TRPA1: variants seen among roughly 807,000 people sequenced by gnomAD.
TRPA1 encodes the protein transient receptor potential cation channel subfamily A member 1.
In TRPA1, 129 loss-of-function variants were observed where a neutral mutation model predicts 131.3. The ratio of observed to expected loss-of-function variants is 0.98; its 90% CI spans 0.85 to 1.14. TRPA1 has a LOEUF of 1.14. Ranked by LOEUF, TRPA1 falls within the 50% of genes most tolerant of loss-of-function variation. The probability of loss-of-function intolerance (pLI) is 0.00; values close to 1 mark genes in which losing one functional copy is unlikely to be tolerated. For synonymous variants in TRPA1, 441 were observed against 451.7 expected (o/e 0.98, Z 0.30); for missense variants, 1,304 against 1,354.2 (o/e 0.96, Z 0.58).
chr8:72,086,043 A>G, the TRPA1 span, among the ~76,000 whole-genome samples: 134,664 of 152,150 alleles, frequency 0.89, 59,771 homozygotes, highest in African/African-American at 0.94. Context: ...TGGGATTACA[A>G]GCATCTGCCA....
intron 17 of TRPA1, among the ~76,000 whole-genome samples, chr8:72,042,422 G>A (rs899913850): frequency 6.6e-6 from 1 of 151,878 alleles, no homozygotes; most frequent in Non-Finnish European, 1.5e-5. Context: ...AACAAGTATT[G>A]GTGAGCATGC....
the TRPA1 span, among the ~76,000 whole-genome samples, chr8:72,089,147 T>A: frequency 0.2 from 30,710 of 152,078 alleles, 3,787 homozygotes; most frequent in Non-Finnish European, 0.26. Flanking sequence ...GAACTTAATC[T>A]TTCTGTTGTG....
At position 72,052,670 on chromosome 8, in the gene TRPA1, C is replaced by CTG; in HGVS notation, c.1738_1739dup (p.Gln580HisfsTer48). On this transcript the variant is annotated frameshift_variant, in exon 14 of 27. Transcript: ENST00000262209. LOFTEE classifies it high-confidence loss of function. ...GAAGTGCAAGGTGCAAAAAGGAGGC[C>CTG]TGCTGCTTGTTCAGGACTATGTCAG... 6.2e-7 allele frequency: 1 copy of CTG among 1,613,816 alleles called. No individual in the cohort carries two copies. Among genetic ancestry groups the CTG allele is most frequent in the Non-Finnish European group, 8.5e-7 (1 of 1,179,858 alleles).
intron 24 of TRPA1, among the ~76,000 whole-genome samples, chr8:72,026,405 T>C (rs2129432601): frequency 6.6e-6 from 1 of 152,316 alleles, no homozygotes; most frequent in Middle Eastern, 3.4e-3. Context: ...ATGCTGGAGA[T>C]TTAAAGAAGA....
intron 19 of TRPA1, among the ~76,000 whole-genome samples, chr8:72,038,529 C>T (rs2129433895): frequency 6.6e-6 from 1 of 152,136 alleles, no homozygotes; most frequent in Non-Finnish European, 1.5e-5. Context: ...ATCCATAAAG[C>T]ATCTCTCCCC....
intron 15 of TRPA1, among the ~76,000 whole-genome samples, chr8:72,049,703 C>A (rs1805446367): frequency 6.6e-6 from 1 of 152,152 alleles, no homozygotes; most frequent in Non-Finnish European, 1.5e-5. Flanking sequence ...TAAGAACCCA[C>A]AGAAGCCAGG....
rs751356225 is a variant in TRPA1 at position 72,023,086 on chromosome 8, T to A, written c.3180A>T (p.Lys1060Asn). ...TGATCAGTTTAATGAGCTCATGCTG[T>A]TTTTCCAGGAGAAAAGTAAGATCCT... is the stretch of plus-strand genomic sequence containing the variant. ...RLKDLTFLLE[K>N]QHELIKLIIQ... The change falls in exon 27 of 27, where the codon AAA (lysine) becomes AAT (asparagine). Residue 1060 changes from lysine (K) to asparagine (N), a missense_variant. Lys to Asn is a moderately conservative substitution (Grantham distance 94). Transcript: ENST00000262209. The A allele has an allele frequency of 1.9e-6, 3 of 1,613,360 alleles. No homozygotes were observed. In the Admixed American group the frequency reaches 5.0e-5, roughly 27 times the overall value.
At chr8:72,071,625 C>A in intron 2 of TRPA1, 86 bp downstream of exon 2, 1 of 1,477,882 alleles carries the variant, frequency 6.8e-7, no homozygotes, top group South Asian at 1.1e-5. Context: ...GCACTAATTA[C>A]CCTTAAAAAT....
intron 6 of TRPA1, among the ~76,000 whole-genome samples, 192 bp downstream of exon 6, chr8:72,062,607 G>A (rs533146799): frequency 6.6e-6 from 1 of 151,968 alleles, no homozygotes; most frequent in African/African-American, 2.4e-5. Flanking sequence ...CAATTGTTTT[G>A]GGGAGCTCTG....
Position 72,063,515 on chromosome 8 carries a change from G to A in TRPA1, c.609C>T (p.His203=). 3 of 1,613,860 alleles carry A rather than the reference G, an allele frequency of 1.9e-6. No homozygotes were observed. Among genetic ancestry groups the A allele is most frequent in the Middle Eastern group, 1.6e-4 (1 of 6,062 alleles). Residue 203 remains histidine (H), a synonymous_variant, in exon 5 of 27, where the codon CAC becomes CAT. Coordinates refer to ENST00000262209, the MANE Select transcript of TRPA1 (RefSeq NM_007332.3). ...CTTTGGAACCTGAAAATGCAGCTTG[G>A]TGAATAGGGAAACATCCCCATTTAT... is the stretch of plus-strand genomic sequence containing the variant. The part of the protein sequence containing the change: ...KSNKWGCFPI[H]QAAFSGSKEC...
intron 1 of TRPA1, among the ~76,000 whole-genome samples, chr8:72,072,643 A>T (rs1189296020): frequency 5.3e-5 from 8 of 152,222 alleles, no homozygotes; most frequent in African/African-American, 1.7e-4. Context: ...CAGAAATAGG[A>T]TCTTTTTCCA....
At chr8:72,030,870 GT>G (rs752977122) in intron 23 of TRPA1, among the ~76,000 whole-genome samples, 3 of 152,220 alleles carry the variant, frequency 2.0e-5, no homozygotes, top group Non-Finnish European at 4.4e-5. Context: ...GGGGGAAGCT[GT>G]TAGCTCAGTT....
Position 72,047,183 on chromosome 8 carries a change from G to A in TRPA1, c.1930C>T (p.His644Tyr), listed in dbSNP as rs1360720305. The change falls in exon 16 of 27, where the codon CAT becomes TAT. Residue 644 changes from histidine to tyrosine, a missense_variant. Coordinates refer to ENST00000262209, the MANE Select transcript of TRPA1 (RefSeq NM_007332.3). Reference sequence around the variant, plus strand: ...CGGCAGGACTTGTCTTCTGTGGAATGCAACATGCAGAAATCTAAAAGTACC... The same window carrying A: ...CGGCAGGACTTGTCTTCTGTGGAATACAACATGCAGAAATCTAAAAGTACC... ...MKVLLDFCML[H>Y]STEDKSCRDY... 1.2e-6 allele frequency: 2 copies of A among 1,611,020 alleles called. No individual in the cohort carries two copies. The highest frequency in any genetic ancestry group is 1.7e-6 in the Non-Finnish European group (2 of 1,177,972).
rs775031859 is a variant in TRPA1, at chr8:72,046,604, T to A, written c.1970A>T (p.Glu657Val). ...ACATTGAAGATATTTGAAATTATAC[T>A]CGATCTGTAGAAGACAGAATTTTTT... is the stretch of plus-strand genomic sequence containing the variant. ...EDKSCRDYYI[E>V]YNFKYLQCPL... is the part of the protein sequence containing the mutation. Residue 657 changes from glutamate to valine, a missense_variant, in exon 17 of 27, where the codon GAG (glutamate) becomes GTG (valine). By Grantham distance (121) the Glu-to-Val change is moderately radical. Transcript: ENST00000262209. The A allele has an allele frequency of 1.1e-5, 17 of 1,556,488 alleles. No individual in the cohort carries two copies. Among genetic ancestry groups the A allele is most frequent in the Non-Finnish European group, 1.5e-5 (17 of 1,131,292 alleles).
In TRPA1 at chr8:72,052,520, TTC is replaced by T. The variant is rs1805534908; in HGVS notation, c.1811+77_1811+78del. On this transcript the variant is annotated intron_variant, in intron 14 of 26. Transcript: ENST00000262209. ...GATTAATGGCTGAAAATCATTTCTT[TTC>T]TCTTATTTTGTCTCAGACTTCAAAT... The T allele has an allele frequency of 1.9e-6, 3 of 1,570,540 alleles. No homozygotes were observed. The African/African-American group carries it at 4.1e-5, about 21-fold the overall frequency.
At chr8:72,057,303 T>G (rs1805693487) in intron 9 of TRPA1, among the ~76,000 whole-genome samples, 1 of 152,048 alleles carries the variant, frequency 6.6e-6, no homozygotes. Flanking sequence ...TATAGACACA[T>G]TAGAGATCAA....
chr8:72,088,900 A>C, the TRPA1 span, among the ~76,000 whole-genome samples: 1 of 152,152 alleles, frequency 6.6e-6, no homozygotes, highest in Non-Finnish European at 1.5e-5. Flanking sequence ...CATGATCTAG[A>C]GTGACTATTA....
chr8:72,029,843 C>T (rs375264726), intron 24 of TRPA1, 58 bp downstream of exon 24: 12 of 1,536,496 alleles, frequency 7.8e-6, no homozygotes, highest in African/African-American at 6.8e-5. Flanking sequence ...ATATTTTTAA[C>T]TTATTGTGGG....
intron 14 of TRPA1, 164 bp downstream of exon 14, chr8:72,052,434 TA>T: frequency 2.6e-6 from 2 of 763,124 alleles, no homozygotes; most frequent in Non-Finnish European, 4.0e-6. Context: ...AATAAATAAA[TA>T]AAAATAAAAA....
Sources: allele counts gnomAD v4.1 joint callset (sites outside exome capture counted in the v4.1 genomes callset), GRCh38; gene constraint gnomAD v4.1.1; transcripts MANE v1.5; gene names NCBI Gene and HGNC (gene_info 2026-07-23, HGNC 2026-07-21).